Variants in MEGF6 observed in about 807,000 individuals in gnomAD.
MEGF6 encodes the protein multiple EGF like domains 6.
A neutral mutation model predicts 207.1 loss-of-function variants in MEGF6; 184 were observed. The ratio of observed to expected loss-of-function variants is 0.89; its 90% CI spans 0.79 to 1.00. The LOEUF (loss-of-function observed/expected upper bound fraction) is 1.00, where lower values mean the gene tolerates loss of function less well. Ranked by LOEUF, MEGF6 falls within the 50% of genes least tolerant of loss-of-function variation. The pLI, the probability that MEGF6 is intolerant of heterozygous loss-of-function variation, is 0.00. For synonymous variants in MEGF6, 1,038 were observed against 910.0 expected (o/e 1.14, Z -2.53); for missense variants, 2,282 against 2,202.9 (o/e 1.04, Z -0.72).
At chr1:3,539,378 G>C (rs1399199990) in intron 4 of MEGF6, among the ~76,000 whole-genome samples, 1 of 152,058 alleles carries the variant, frequency 6.6e-6, no homozygotes, top group African/African-American at 2.4e-5. Flanking sequence ...GAACACGACG[G>C]GAGAGGGGGA....
In MEGF6 at chr1:3,495,909, G is replaced by A. The variant is rs372505122; in HGVS notation, c.3852C>T (p.Ala1284=). 38 of 1,597,760 alleles carry A rather than the reference G, an allele frequency of 2.4e-5. No individual in the cohort carries two copies. The Admixed American group carries it at 5.5e-4, about 23-fold the overall frequency. ...TGTCLCPPGR[A]GVRCERGCPQ... ...ACTCACCTCGCTCACAGCGGACGCC[G>A]GCTCTCCCCGGGGGGCAGAGGCAGG... Residue 1284 remains alanine (A), a synonymous_variant, in exon 30 of 37, where the codon GCC becomes GCT. Coordinates refer to ENST00000356575, the MANE Select transcript of MEGF6 (RefSeq NM_001409.4).
intron 3 of MEGF6, among the ~76,000 whole-genome samples, chr1:3,580,913 T>C (rs1343921114): frequency 6.6e-6 from 1 of 152,008 alleles, no homozygotes; most frequent in Non-Finnish European, 1.5e-5. Flanking sequence ...CCCCTGCCAG[T>C]AGCAGGGAGG....
rs1557724632 is a variant in MEGF6 at position 3,502,057 on chromosome 1, T to TGTG, written c.2189-137_2189-136insCAC. 1.3e-5 allele frequency: 7 copies of TGTG among 527,696 alleles called. 1 individual carries two copies. The highest frequency in any genetic ancestry group is 2.1e-5 in the African/African-American group (1 of 48,342). 32.7% of individuals were successfully genotyped at this position (527,696 alleles called of 1,614,324 possible). ...CTGGCGAGTGTGCCCCCCCGGCGCC[T>TGTG]CCTCACATGGGCTCCTGGCGAGTGT... On this transcript the variant is annotated intron_variant, in intron 17 of 36. Transcript: ENST00000356575.
intron 2 of MEGF6, among the ~76,000 whole-genome samples, chr1:3,597,508 C>T (rs777546421): frequency 6.6e-6 from 1 of 152,220 alleles, no homozygotes; most frequent in Non-Finnish European, 1.5e-5. Context: ...GACCTTACTT[C>T]TTGGAAATAG....
intron 4 of MEGF6, among the ~76,000 whole-genome samples, chr1:3,579,183 G>A (rs1298721406): frequency 5.9e-5 from 9 of 152,238 alleles, no homozygotes; most frequent in African/African-American, 2.2e-4. Flanking sequence ...CAGAGGAAGG[G>A]AAGACTCCCG....
At chr1:3,522,782 C>G (rs940748302) in intron 5 of MEGF6, among the ~76,000 whole-genome samples, 1 of 152,114 alleles carries the variant, frequency 6.6e-6, no homozygotes, top group South Asian at 2.1e-4. Context: ...TGGGCTGACA[C>G]CTGGGCTGCC....
intron 1 of MEGF6, among the ~76,000 whole-genome samples, chr1:3,604,650 C>T (rs367830729): frequency 2.0e-5 from 3 of 152,150 alleles, no homozygotes; most frequent in African/African-American, 7.2e-5. Context: ...CAGGTCCTTT[C>T]CTGACATTAC....
intron 29 of MEGF6, among the ~76,000 whole-genome samples, chr1:3,496,332 C>T (rs1165108064): frequency 6.6e-6 from 1 of 152,242 alleles, no homozygotes; most frequent in Admixed American, 6.5e-5. Context: ...CCCAGCAGGA[C>T]GCTTGGCCAC....
intron 4 of MEGF6, among the ~76,000 whole-genome samples, chr1:3,525,480 T>C (rs1479415068): frequency 2.6e-5 from 4 of 152,250 alleles, no homozygotes; most frequent in Non-Finnish European, 5.9e-5. Flanking sequence ...CGCAGGACCC[T>C]TGTCCCTCCC....
chr1:3,609,682 A>G (rs916781019), intron 1 of MEGF6, among the ~76,000 whole-genome samples: 3 of 152,154 alleles, frequency 2.0e-5, no homozygotes, highest in Non-Finnish European at 4.4e-5. Context: ...CACCACTTCA[A>G]ACAGCTTTGC....
intron 3 of MEGF6, among the ~76,000 whole-genome samples, chr1:3,583,195 C>T (rs925495636): frequency 2.0e-5 from 3 of 152,172 alleles, no homozygotes; most frequent in Non-Finnish European, 2.9e-5. Flanking sequence ...CGCTCCAAAC[C>T]GAGAGCAGGT....
chr1:3,523,747 A>T (rs941611821), intron 5 of MEGF6, among the ~76,000 whole-genome samples: 1 of 152,198 alleles, frequency 6.6e-6, no homozygotes, highest in Non-Finnish European at 1.5e-5. Context: ...CATCACAACC[A>T]GGCCAGGTCC....
chr1:3,591,862 G>A (rs1459502239), intron 3 of MEGF6, among the ~76,000 whole-genome samples: 3 of 58,528 alleles, frequency 5.1e-5, no homozygotes, highest in African/African-American at 1.5e-4. Flanking sequence ...ACAAGGGACC[G>A]GATGGGGGCA....
intron 5 of MEGF6, 76 bp downstream of exon 5, chr1:3,524,047 GC>G (rs1221974417): frequency 1.8e-5 from 27 of 1,514,262 alleles, no homozygotes; most frequent in Non-Finnish European, 2.3e-5. Flanking sequence ...ACCCTCTCAG[GC>G]CAGGCCTGGG....
chr1:3,581,230 G>C (rs1643789737), intron 3 of MEGF6, among the ~76,000 whole-genome samples: 1 of 152,094 alleles, frequency 6.6e-6, no homozygotes, highest in African/African-American at 2.4e-5. Context: ...GGCTGGCACA[G>C]AGAAACACGG....
At position 3,594,810 on chromosome 1, in the gene MEGF6, C is replaced by T. The variant is rs1029304601; in HGVS notation, c.376+528G>A. ...ACATCAGCACCTGCCCGGGTCAGGT[C>T]GTATGCAGCACGGGCCTCTCCAATT... On this transcript the variant is annotated intron_variant, in intron 3 of 36. Transcript: ENST00000356575. This position sits in a 1 kb window ranked among gnomAD's most constrained non-coding sequence, Gnocchi z 4.2. 2.0e-5 allele frequency among the ~76,000 whole-genome samples: 3 copies of T among 152,306 alleles called. No individual in the cohort carries two copies. The East Asian group carries it at 5.8e-4, about 29-fold the overall frequency.
intron 5 of MEGF6, among the ~76,000 whole-genome samples, chr1:3,515,996 G>C (rs544878051): frequency 6.6e-6 from 1 of 152,242 alleles, no homozygotes; most frequent in Non-Finnish European, 1.5e-5. Flanking sequence ...AGGCCAGGGT[G>C]GGGGCAGATG....
At chr1:3,512,192 T>C in intron 7 of MEGF6, 64 bp from the exon 8 acceptor site, 1 of 1,533,904 alleles carries the variant, frequency 6.5e-7, no homozygotes, top group South Asian at 1.3e-5. Flanking sequence ...ATGGGACCAG[T>C]GGAAGACAGT....
rs1400278451 is a variant in MEGF6 at position 3,494,534 on chromosome 1, C to T, written c.4001-35G>A. 2.5e-6 allele frequency: 4 copies of T among 1,569,802 alleles called. No homozygotes were observed. In the South Asian group the frequency reaches 3.5e-5, roughly 14 times the overall value. ...GGGCAGGGTGGGCAGTCCTTCGGCA[C>T]CAGCCTTGCCCAGCCCTATGGCAGC... On this transcript the variant is annotated intron_variant, in intron 31 of 36. Transcript: ENST00000356575.
Sources: gnomAD v4.1 joint callset for allele counts (sites outside exome capture counted in the v4.1 genomes callset) on GRCh38, gnomAD v4.1.1 for gene constraint, Gnocchi (gnomAD v3.1) non-coding constraint, MANE v1.5 for transcripts, NCBI Gene and HGNC (gene_info 2026-07-23, HGNC 2026-07-21) for gene names.